Variants in UPF2 observed in about 807,000 individuals in gnomAD.
The protein encoded by UPF2 is UPF2 regulator of nonsense mediated mRNA decay, also known as regulator of nonsense transcripts 2.
In UPF2, 17 loss-of-function variants were observed where a neutral mutation model predicts 141.4. The ratio of observed to expected loss-of-function variants is 0.12; its 90% CI spans 0.08 to 0.18. The LOEUF (loss-of-function observed/expected upper bound fraction) is 0.18. Ranked by LOEUF, UPF2 falls within the 10% of genes least tolerant of loss-of-function variation. The pLI is 1.00. For missense variants in UPF2, 1,152 were observed against 1,515.9 expected (o/e 0.76, Z 3.99); for synonymous variants, 540 against 498.0 (o/e 1.08, Z -1.12).
intron 5 of UPF2, among the ~76,000 whole-genome samples, chr10:12,002,945 T>C (rs1191251610): frequency 2.0e-5 from 3 of 152,360 alleles, no homozygotes; most frequent in South Asian, 2.1e-4. Context: ...TCATCTCTTA[T>C]AGTCTCTAAT....
At chr10:11,923,075 T>C (rs1049881442) in intron 21 of UPF2, 13 of 152,118 alleles carry the variant, frequency 8.5e-5, no homozygotes, top group African/African-American at 3.1e-4. Flanking sequence ...TTTAAAAAGA[T>C]GGGTTTAAAA....
At chr10:11,968,646 T>C (rs187930303) in intron 9 of UPF2, among the ~76,000 whole-genome samples, 2 of 152,346 alleles carry the variant, frequency 1.3e-5, no homozygotes, top group East Asian at 3.9e-4. Flanking sequence ...TTAAGTCCTT[T>C]GCACATGTAA....
At position 11,959,055 on chromosome 10, in the gene UPF2, A is replaced by G; in HGVS notation, c.2370+116T>C. ...AATTCCTTCTTAGGGTGACTTACAC[A>G]GAGCTGATTATAAAGGAACTTGAGC... On this transcript the variant is annotated intron_variant, in intron 12 of 21. Coordinates refer to ENST00000357604, the MANE Select transcript of UPF2 (RefSeq NM_015542.4). The surrounding 1 kb of genome is among the most constrained non-coding windows in gnomAD (Gnocchi z 5.9). The G allele has an allele frequency of 1.1e-6, 1 of 937,080 alleles. No individual in the cohort carries two copies. Among genetic ancestry groups the G allele is most frequent in the Non-Finnish European group, 1.5e-6 (1 of 675,370 alleles). The allele number at this position is 937,080 out of a possible 1,614,324, so 58.0% of individuals were successfully genotyped here.
chr10:12,033,488 G>GT (rs1834565659), intron 2 of UPF2, among the ~76,000 whole-genome samples: 1 of 152,000 alleles, frequency 6.6e-6, no homozygotes, highest in South Asian at 2.1e-4. Flanking sequence ...AGCTGGCATT[G>GT]TACCACTACA....
At chr10:12,033,844 C>G (rs1025539171) in intron 2 of UPF2, among the ~76,000 whole-genome samples, 1 of 151,996 alleles carries the variant, frequency 6.6e-6, no homozygotes, top group East Asian at 1.9e-4. Context: ...CCACCATGCC[C>G]GGCCTAATAA....
rs1311155776 is a variant in UPF2, at chr10:11,920,689, T to C, written c.*609A>G. 2.8e-5 allele frequency: 7 copies of C among 248,192 alleles called. No individual in the cohort carries two copies. Among genetic ancestry groups the C allele is most frequent in the African/African-American group, 1.1e-4 (5 of 44,538 alleles). 15.4% of individuals were successfully genotyped at this position (248,192 alleles called of 1,614,324 possible). A position where few individuals can be genotyped will look rare whatever the true frequency, so the allele number is the denominator to read the frequency against. On this transcript the variant is annotated 3_prime_UTR_variant, in exon 22 of 22. Coordinates refer to ENST00000357604, the MANE Select transcript of UPF2 (RefSeq NM_015542.4). ...GGATAAAACGGATTTTTCTCCCTCA[T>C]CCCTTGTTCCTCTTGAAACAAATTC...
chr10:12,008,687 AT>A lies in UPF2; in HGVS notation c.1307-3961del, dbSNP rs942347359. Among the ~76,000 whole-genome samples, 283 of 146,698 alleles carry A rather than the reference AT, an allele frequency of 1.9e-3. 2 individuals are homozygous for A. The highest frequency in any genetic ancestry group is 5.9e-3 in the African/African-American group (239 of 40,326). ...TTCTCATACACTTAGTGGCATGTAA[AT>A]TTTTTTTTTTAAGTTCCAAGATACA... On this transcript the variant is annotated intron_variant, in intron 4 of 21. Coordinates refer to ENST00000357604, the MANE Select transcript of UPF2 (RefSeq NM_015542.4).
At chr10:11,925,165 G>A (rs1174112233) in intron 21 of UPF2, among the ~76,000 whole-genome samples, 1 of 152,096 alleles carries the variant, frequency 6.6e-6, no homozygotes, top group Admixed American at 6.5e-5. Context: ...GTCCTCTAAA[G>A]GGTAAAATCT....
chr10:11,992,406 G>A lies in UPF2; in HGVS notation c.1844+5266C>T, dbSNP rs944446326. The stretch of plus-strand genomic sequence containing the variant: ...AAAACATTATTAACTAATATCAGAT[G>A]AGTGACTAAAGAGAGTAAGAAAAGA... On this transcript the variant is annotated intron_variant, in intron 8 of 21. Coordinates refer to ENST00000357604, the MANE Select transcript of UPF2 (RefSeq NM_015542.4). The surrounding 1 kb of genome is among the most constrained non-coding windows in gnomAD (Gnocchi z 4.1). 2.6e-5 allele frequency among the ~76,000 whole-genome samples: 4 copies of A among 152,128 alleles called. No homozygotes were observed. The highest frequency in any genetic ancestry group is 9.7e-5 in the African/African-American group (4 of 41,400).
chr10:12,029,070 T>G lies in UPF2; in HGVS notation c.820A>C (p.Ile274Leu). 6.2e-7 allele frequency: 1 copy of G among 1,614,204 alleles called. No homozygotes were observed. Among genetic ancestry groups the G allele is most frequent in the East Asian group, 2.2e-5 (1 of 44,890 alleles). ...TCCTTGTCAGTGAAAATCCCAACTA[T>G]TGTCAATTCTGCAATAAAACGCAAA... The part of the protein sequence containing the change: ...TDLRFIAELT[I>L]VGIFTDKEGL... The change falls in exon 3 of 22, where the codon ATA (isoleucine) becomes CTA (leucine). Residue 274 changes from isoleucine (I) to leucine (L), a missense_variant. Ile to Leu is a conservative substitution (Grantham distance 5). Coordinates refer to ENST00000357604, the MANE Select transcript of UPF2 (RefSeq NM_015542.4).
chr10:12,032,586 A>T (rs1834544694), intron 2 of UPF2, among the ~76,000 whole-genome samples: 1 of 152,048 alleles, frequency 6.6e-6, no homozygotes, highest in Non-Finnish European at 1.5e-5. Context: ...AAAAATACAA[A>T]AATTAGCCAA....
At chr10:11,972,976 T>C (rs1357452556) in intron 9 of UPF2, among the ~76,000 whole-genome samples, 3 of 152,246 alleles carry the variant, frequency 2.0e-5, no homozygotes, top group Non-Finnish European at 2.9e-5. Context: ...TCCACAATGG[T>C]TGAACTACTT....
At chr10:11,989,522 G>A (rs1241620756) in intron 8 of UPF2, among the ~76,000 whole-genome samples, 1 of 152,152 alleles carries the variant, frequency 6.6e-6, no homozygotes, top group Non-Finnish European at 1.5e-5. Flanking sequence ...TCTTTCAAAA[G>A]ACTGTCCTCT....
chr10:11,964,238 T>G (rs1833283828), intron 10 of UPF2, 113 bp from the exon 11 acceptor site: 2 of 635,546 alleles, frequency 3.1e-6, no homozygotes, highest in Non-Finnish European at 5.0e-6. Flanking sequence ...AAAACAGAAG[T>G]GAGTCTACTT....
chr10:11,928,956 C>A (rs1832748339), intron 21 of UPF2, among the ~76,000 whole-genome samples: 1 of 152,198 alleles, frequency 6.6e-6, no homozygotes, highest in African/African-American at 2.4e-5. Context: ...CGAGACCAGC[C>A]TGGCCAACAT....
chr10:11,969,033 T>A (rs1833369000), intron 9 of UPF2, among the ~76,000 whole-genome samples: 1 of 151,926 alleles, frequency 6.6e-6, no homozygotes, highest in Non-Finnish European at 1.5e-5. Context: ...GCTAAATTTT[T>A]GTATTTTTAG....
intron 8 of UPF2, among the ~76,000 whole-genome samples, chr10:11,985,010 G>A (rs1833664133): frequency 1.3e-5 from 2 of 152,182 alleles, no homozygotes; most frequent in Non-Finnish European, 2.9e-5. Context: ...ACCGCGCCCG[G>A]TCCAGCTATG....
intron 3 of UPF2, among the ~76,000 whole-genome samples, chr10:12,028,324 TAAG>T (rs1156742273): frequency 6.6e-6 from 1 of 152,188 alleles, no homozygotes; most frequent in Non-Finnish European, 1.5e-5. Context: ...CTCATTTTCT[TAAG>T]AAGAGCAACA....
chr10:11,993,599 A>C (rs1564359155), intron 8 of UPF2, among the ~76,000 whole-genome samples: 1 of 136,130 alleles, frequency 7.3e-6, no homozygotes, highest in Non-Finnish European at 1.7e-5. Context: ...GCCACAAAAC[A>C]AAACAAAAAG....
Sources: gnomAD v4.1 joint callset for allele counts (sites outside exome capture counted in the v4.1 genomes callset) on GRCh38, gnomAD v4.1.1 for gene constraint, Gnocchi (gnomAD v3.1) non-coding constraint, MANE v1.5 for transcripts, NCBI Gene and HGNC (gene_info 2026-07-23, HGNC 2026-07-21) for gene names.